Variants in TMEM128 observed in about 807,000 individuals in gnomAD.
TMEM128 encodes the protein transmembrane protein 128.
Under a neutral mutation model 19.7 loss-of-function variants are expected in TMEM128, and 16 were observed. The observed-to-expected ratio is 0.81, with a 90% CI of 0.55 to 1.23. TMEM128 has a LOEUF of 1.23. TMEM128 is among the 50% of genes most tolerant of loss of function. TMEM128 has a pLI of 0.00. For missense variants in TMEM128, 237 were observed against 200.8 expected, an observed-to-expected ratio of 1.18 and a Z score of -1.09; for synonymous variants, 98 against 75.8, an observed-to-expected ratio of 1.29 and a Z score of -1.52.
chr4:4,240,281 T>C lies in TMEM128; in HGVS notation c.398+40A>G, dbSNP rs778457193. The C allele has an allele frequency of 1.8e-5, 28 of 1,599,916 alleles. No individual in the cohort carries two copies. The East Asian group carries it at 2.0e-4, about 11-fold the overall frequency. ...ATCACTATCTGATCAAAAAAAAAATTTGTTGTTCATTCCTGTTAGTCATTT... is the reference window on the plus strand; with the variant it reads ...ATCACTATCTGATCAAAAAAAAAATCTGTTGTTCATTCCTGTTAGTCATTT... On this transcript the variant is annotated intron_variant, in intron 3 of 4. Transcript: ENST00000382753.
intron 2 of TMEM128, among the ~76,000 whole-genome samples, chr4:4,243,654 G>C (rs1166850806): frequency 1.3e-5 from 2 of 152,104 alleles, no homozygotes; most frequent in Non-Finnish European, 2.9e-5. Flanking sequence ...CTCAGCCTTT[G>C]AGAATGCATT....
chr4:4,242,048 C>A (rs941937046), intron 2 of TMEM128, among the ~76,000 whole-genome samples: 9 of 152,104 alleles, frequency 5.9e-5, no homozygotes, highest in African/African-American at 2.2e-4. Flanking sequence ...ATTACAGGCA[C>A]TGGCCACCAC....
rs1718294775 is a variant in TMEM128, at chr4:4,248,194, G to A, written c.9C>T (p.Ser3=). 6.6e-7 allele frequency: 1 copy of A among 1,524,992 alleles called. No homozygotes were observed. Among genetic ancestry groups the A allele is most frequent in the Non-Finnish European group, 8.8e-7 (1 of 1,136,570 alleles). 94.5% of individuals were successfully genotyped at this position (1,524,992 alleles called of 1,614,324 possible). A position where few individuals can be genotyped will look rare whatever the true frequency, so the allele number is the denominator to read the frequency against. The change falls in exon 1 of 5, where the codon TCC becomes TCT. Residue 3 remains serine (S), a synonymous_variant. Coordinates refer to ENST00000382753, the MANE Select transcript of TMEM128 (RefSeq NM_001297551.2). ...GCCGGAGCTGCTGCCGGGCCCGCGA[G>A]GAGTCCATCTTGGTACCGCCCCGAA... MD[S]SRARQQLRRR...
At position 4,237,911 on chromosome 4, in the gene TMEM128, C is replaced by G. The variant is rs751985121; in HGVS notation, c.423G>C (p.Val141=). ...ACAACAATGGAGTGAAAAACGACCA[C>G]ACATGCCATAAAGCAATGTTGAAGC... ...GICFNIALWH[V]WSFFTPLLLF... The change falls in exon 4 of 5, where the codon GTG becomes GTC. Residue 141 remains valine, a synonymous_variant. Transcript: ENST00000382753. The G allele has an allele frequency of 2.5e-6, 4 of 1,587,490 alleles. No homozygotes were observed. Among genetic ancestry groups the G allele is most frequent in the Non-Finnish European group, 3.4e-6 (4 of 1,165,716 alleles).
chr4:4,247,817 G>T, intron 1 of TMEM128: 2 of 1,423,978 alleles, frequency 1.4e-6, no homozygotes, highest in South Asian at 1.5e-5. Flanking sequence ...TGTACACTGC[G>T]GTACACGCAT....
In TMEM128 at chr4:4,247,717, C is replaced by T. The variant is rs200090024; in HGVS notation, c.97+389G>A. 17 of 1,594,266 alleles carry T rather than the reference C, an allele frequency of 1.1e-5. No individual in the cohort carries two copies. The East Asian group carries it at 3.8e-4, about 36-fold the overall frequency. On this transcript the variant is annotated intron_variant, in intron 1 of 4. Coordinates refer to ENST00000382753, the MANE Select transcript of TMEM128 (RefSeq NM_001297551.2). ...TCAGGTATACATATACCCAAATTTA[C>T]TTAAACAGCTTTCTGCTGACGGGCA...
At position 4,236,122 on chromosome 4, in the gene TMEM128, T is replaced by C. The variant is rs1370022245; in HGVS notation, c.*144A>G. 6.6e-6 allele frequency: 1 copy of C among 152,158 alleles called. No homozygotes were observed. The highest frequency in any genetic ancestry group is 1.5e-5 in the Non-Finnish European group (1 of 68,022). The allele number at this position is 152,158 out of a possible 1,614,324, so 9.4% of individuals were successfully genotyped here. ...TTCAGCTAGCTGGATGTTTAACCAT[T>C]CACTTCAAATTTACATGTCCAGCCA... On this transcript the variant is annotated 3_prime_UTR_variant, in exon 5 of 5. Transcript: ENST00000382753.
intron 1 of TMEM128, chr4:4,247,748 G>C: frequency 1.3e-6 from 2 of 1,553,294 alleles, no homozygotes; most frequent in Non-Finnish European, 1.7e-6. Flanking sequence ...GGGCAAGGCA[G>C]ATATTTCCAG....
rs1012853962 is a variant in TMEM128, at chr4:4,243,590, C to T, written c.239+2612G>A. Among the ~76,000 whole-genome samples the T allele has an allele frequency of 3.3e-5, 5 of 152,268 alleles. No homozygotes were observed. The East Asian group carries it at 5.8e-4, about 18-fold the overall frequency. ...CCTCTCATTTCATGGCTGTTCAATA[C>T]CCCCCAACTCCCCTTAATGAGTCCT... On this transcript the variant is annotated intron_variant, in intron 2 of 4. Transcript: ENST00000382753.
chr4:4,246,791 G>A (rs1271247357), intron 1 of TMEM128, among the ~76,000 whole-genome samples: 2 of 151,700 alleles, frequency 1.3e-5, no homozygotes, highest in East Asian at 1.9e-4. Flanking sequence ...TCTGTCGCCC[G>A]GGTTGGAGTG....
At chr4:4,246,376 T>C in intron 1 of TMEM128, 33 bp from the exon 2 acceptor site, 34 of 1,572,496 alleles carry the variant, frequency 2.2e-5, no homozygotes, top group Non-Finnish European at 2.8e-5. Flanking sequence ...CTTATTAAGT[T>C]ACCACAATTT....
intron 4 of TMEM128, among the ~76,000 whole-genome samples, chr4:4,237,387 T>C (rs1456087684): frequency 1.3e-5 from 2 of 152,162 alleles, no homozygotes; most frequent in Non-Finnish European, 2.9e-5. Context: ...CTCTAAAAAG[T>C]AGTCACTTAG....
At position 4,247,941 on chromosome 4, in the gene TMEM128, AC is replaced by A; in HGVS notation, c.97+164del. 3 of 1,432,048 alleles carry A rather than the reference AC, an allele frequency of 2.1e-6. No individual in the cohort carries two copies. In the East Asian group the frequency reaches 7.6e-5, roughly 36 times the overall value. 88.7% of individuals were successfully genotyped at this position (1,432,048 alleles called of 1,614,324 possible). On this transcript the variant is annotated intron_variant, in intron 1 of 4. Coordinates refer to ENST00000382753, the MANE Select transcript of TMEM128 (RefSeq NM_001297551.2). The stretch of plus-strand genomic sequence containing the variant: ...AGAATTCTGAAGCGCAGCTGAAATG[AC>A]GATGCACAGCACTCCGCGATTCTAA...
At chr4:4,244,789 G>A (rs1577198450) in intron 2 of TMEM128, among the ~76,000 whole-genome samples, 2 of 152,196 alleles carry the variant, frequency 1.3e-5, no homozygotes, top group East Asian at 3.9e-4. Flanking sequence ...CCGACTTGCA[G>A]CAGAAGAAGG....
intron 2 of TMEM128, among the ~76,000 whole-genome samples, chr4:4,242,491 C>T (rs185940514): frequency 2.0e-5 from 3 of 150,568 alleles, no homozygotes; most frequent in South Asian, 4.3e-4. Flanking sequence ...CATTTTTTTC[C>T]TTTGCCAACA....
At chr4:4,247,065 A>G (rs573519157) in intron 1 of TMEM128, among the ~76,000 whole-genome samples, 4 of 152,266 alleles carry the variant, frequency 2.6e-5, no homozygotes, top group East Asian at 3.9e-4. Flanking sequence ...TGCCCAGCCT[A>G]TAACTAAATA....
chr4:4,241,205 A>G (rs1717946148), intron 2 of TMEM128, among the ~76,000 whole-genome samples: 1 of 152,254 alleles, frequency 6.6e-6, no homozygotes, highest in South Asian at 2.1e-4. Context: ...CATTCCTCCA[A>G]GTTAAGTGGA....
At chr4:4,244,320 A>T (rs188481244) in intron 2 of TMEM128, among the ~76,000 whole-genome samples, 33 of 152,178 alleles carry the variant, frequency 2.2e-4, no homozygotes, top group Admixed American at 6.5e-4. Context: ...TACAAAAAAT[A>T]AACCAAATTA....
chr4:4,247,449 T>A, intron 1 of TMEM128: 1 of 1,061,418 alleles, frequency 9.4e-7, no homozygotes, highest in Non-Finnish European at 1.3e-6. Context: ...GACGTGGTTT[T>A]AAAACATATG....
Sources: allele counts gnomAD v4.1 joint callset (sites outside exome capture counted in the v4.1 genomes callset), GRCh38; gene constraint gnomAD v4.1.1; transcripts MANE v1.5; gene names NCBI Gene and HGNC (gene_info 2026-07-23, HGNC 2026-07-21).